PRKG1: variants seen among roughly 807,000 people sequenced by gnomAD.
PRKG1 encodes the protein cGMP-dependent protein kinase 1.
In PRKG1, 35 loss-of-function variants were observed where a neutral mutation model predicts 88.1. That is an observed-to-expected ratio of 0.40 (90% confidence interval 0.30 to 0.53). The LOEUF is 0.53. PRKG1 is among the 20% of genes least tolerant of loss of function. The probability of loss-of-function intolerance (pLI) is 0.59; values close to 1 mark genes in which losing one functional copy is unlikely to be tolerated. For synonymous variants in PRKG1, 303 were observed against 292.5 expected (o/e 1.04, Z -0.37); for missense variants, 540 against 839.8 (o/e 0.64, Z 4.41).
chr10:51,097,840 A>C (rs936472770), intron 1 of PRKG1, among the ~76,000 whole-genome samples: 2 of 152,046 alleles, frequency 1.3e-5, no homozygotes, highest in South Asian at 2.1e-4. Context: ...AGAGATTTTT[A>C]TCTCTCAACT....
chr10:51,906,507 G>A (rs2132944363), intron 4 of PRKG1, among the ~76,000 whole-genome samples: 1 of 152,230 alleles, frequency 6.6e-6, no homozygotes, highest in South Asian at 2.1e-4. Flanking sequence ...AACTCAAAGT[G>A]GGAGCTTCTA....
chr10:52,226,883 T>C (rs774744534), intron 9 of PRKG1, among the ~76,000 whole-genome samples: 8 of 152,142 alleles, frequency 5.3e-5, no homozygotes, highest in Non-Finnish European at 7.4e-5. Flanking sequence ...CTGAATTCCT[T>C]TGAAAATGTG....
At chr10:51,783,191 G>T (rs1202923745) in intron 3 of PRKG1, among the ~76,000 whole-genome samples, 1 of 152,048 alleles carries the variant, frequency 6.6e-6, no homozygotes, top group East Asian at 1.9e-4. Flanking sequence ...CATTCTCTTT[G>T]CTCTTGCTCC....
chr10:51,545,374 T>C (rs1159309830), intron 3 of PRKG1, among the ~76,000 whole-genome samples: 1 of 152,150 alleles, frequency 6.6e-6, no homozygotes, highest in Non-Finnish European at 1.5e-5. Flanking sequence ...AATGAATTTG[T>C]CCTCATGGGA....
intron 1 of PRKG1, among the ~76,000 whole-genome samples, chr10:51,102,030 T>G (rs186500065): frequency 1.8e-4 from 28 of 152,320 alleles, no homozygotes; most frequent in African/African-American, 5.5e-4. Flanking sequence ...TTTGCCAATT[T>G]CTGTGGAGTA....
At chr10:51,919,544 T>TA (rs1842417768) in intron 5 of PRKG1, among the ~76,000 whole-genome samples, 2 of 152,126 alleles carry the variant, frequency 1.3e-5, no homozygotes, top group South Asian at 4.2e-4. Context: ...TTTTTTTTTT[T>TA]GCTTTGACTT....
Position 51,984,269 on chromosome 10 carries a change from G to A in PRKG1, c.763-70215G>A, listed in dbSNP as rs143454408. On this transcript the variant is annotated intron_variant, in intron 5 of 17. Transcript: ENST00000373980. ...GAAGACATTATGCAATTCAAAATTC[G>A]TGTAATTCAAAACTAATTTTAAAGA... Among the ~76,000 whole-genome samples, 1,064 of 152,248 alleles carry A rather than the reference G, an allele frequency of 7.0e-3. 12 individuals are homozygous for A. Among genetic ancestry groups the A allele is most frequent in the African/African-American group, 0.024 (1,004 of 41,544 alleles).
chr10:51,963,473 T>G (rs1218949663), intron 5 of PRKG1, among the ~76,000 whole-genome samples: 1 of 152,108 alleles, frequency 6.6e-6, no homozygotes, highest in Non-Finnish European at 1.5e-5. Flanking sequence ...TTATTATTAT[T>G]TTTTAAGAGA....
chr10:51,257,139 A>T (rs1288759367), intron 2 of PRKG1, among the ~76,000 whole-genome samples: 1 of 151,880 alleles, frequency 6.6e-6, no homozygotes, highest in Non-Finnish European at 1.5e-5. Flanking sequence ...TGGCATCATT[A>T]ACTGAAATAG....
At chr10:51,305,234 A>T (rs548009856) in intron 2 of PRKG1, among the ~76,000 whole-genome samples, 1 of 152,208 alleles carries the variant, frequency 6.6e-6, no homozygotes, top group African/African-American at 2.4e-5. Context: ...GTTTCAGAGC[A>T]CAATGGCACT....
At chr10:51,483,009 CTTTTTTT>C (rs149140774) in intron 3 of PRKG1, among the ~76,000 whole-genome samples, 5 of 110,480 alleles carry the variant, frequency 4.5e-5, no homozygotes, top group Non-Finnish European at 5.4e-5. Context: ...TCTTTTCTTT[CTTTTTTT>C]TTTTTTTTTT....
rs781564370 is a variant in PRKG1, at chr10:52,054,467, T to C, written c.763-17T>C. ...ACTGCTTGCTTAATTTTTTTTCTTA[T>C]TGTTTCTACTTTTCAGACCCACTAT... On this transcript the variant is annotated splice_polypyrimidine_tract_variant and intron_variant, in intron 5 of 17. Coordinates refer to ENST00000373980, the MANE Select transcript of PRKG1 (RefSeq NM_006258.4). The C allele has an allele frequency of 3.1e-6, 5 of 1,603,496 alleles. No individual in the cohort carries two copies. Among genetic ancestry groups the C allele is most frequent in the Non-Finnish European group, 2.6e-6 (3 of 1,171,162 alleles).
At chr10:51,353,803 C>T (rs1292492401) in intron 2 of PRKG1, among the ~76,000 whole-genome samples, 3 of 152,194 alleles carry the variant, frequency 2.0e-5, no homozygotes, top group East Asian at 3.9e-4. Flanking sequence ...TGGGTGTATA[C>T]CCAAAAGAAA....
chr10:51,219,997 G>A (rs1244617823), intron 2 of PRKG1, among the ~76,000 whole-genome samples: 3 of 152,104 alleles, frequency 2.0e-5, no homozygotes, highest in Non-Finnish European at 4.4e-5. Context: ...TATCTGGTTG[G>A]GCCTTATAAG....
intron 2 of PRKG1, among the ~76,000 whole-genome samples, chr10:51,343,035 ACT>A (rs1178385623): frequency 3.3e-5 from 5 of 152,114 alleles, no homozygotes; most frequent in Admixed American, 3.3e-4. Context: ...GAAAAGGGAA[ACT>A]CTATACAGTT....
chr10:51,231,262 C>T (rs1463675580), intron 2 of PRKG1, among the ~76,000 whole-genome samples: 3 of 152,074 alleles, frequency 2.0e-5, no homozygotes, highest in African/African-American at 7.2e-5. Flanking sequence ...AATTAAAACT[C>T]GGAAACATTA....
intron 3 of PRKG1, among the ~76,000 whole-genome samples, chr10:51,470,746 A>G (rs113945308): frequency 2.0e-4 from 30 of 152,044 alleles, no homozygotes; most frequent in African/African-American, 7.2e-4. Flanking sequence ...ATCAAGAAGT[A>G]GTTTTCTTAC....
At chr10:51,148,153 A>C in intron 1 of PRKG1, 1 of 689,058 alleles carries the variant, frequency 1.5e-6, no homozygotes, top group Non-Finnish European at 1.8e-6. Flanking sequence ...AGAAACTTTT[A>C]AGAGGCTCTG....
At chr10:51,337,915 A>G (rs997792775) in intron 2 of PRKG1, among the ~76,000 whole-genome samples, 1 of 152,194 alleles carries the variant, frequency 6.6e-6, no homozygotes. Flanking sequence ...GCCCAAAGGA[A>G]TATAAATCAT....
Sources: gnomAD v4.1 joint callset for allele counts (sites outside exome capture counted in the v4.1 genomes callset) on GRCh38, gnomAD v4.1.1 for gene constraint, MANE v1.5 for transcripts, NCBI Gene and HGNC (gene_info 2026-07-23, HGNC 2026-07-21) for gene names.